ATP8B1: variants seen among roughly 807,000 people sequenced by gnomAD.
The protein encoded by ATP8B1 is phospholipid-transporting ATPase IC.
In ATP8B1, 80 loss-of-function variants were observed where a neutral mutation model predicts 149.9. That is an observed-to-expected ratio of 0.53 (90% CI 0.45 to 0.64). The LOEUF (loss-of-function observed/expected upper bound fraction) is 0.64. Among genes scored for constraint, ATP8B1 ranks in the 30% least tolerant of loss-of-function variants. The pLI is 0.00. For synonymous variants in ATP8B1, 536 were observed against 562.8 expected, an observed-to-expected ratio of 0.95 and a Z score of 0.67; for missense variants, 1,247 against 1,552.6, an observed-to-expected ratio of 0.80 and a Z score of 3.31.
intron 16 of ATP8B1, among the ~76,000 whole-genome samples, chr18:57,674,250 AAAAAAAAAG>A (rs1335702191): frequency 6.7e-6 from 1 of 149,962 alleles, no homozygotes; most frequent in African/African-American, 2.5e-5. Flanking sequence ...TCAAAAAAAA[AAAAAAAAAG>A]AAAAGAAAAG....
intron 1 of ATP8B1, among the ~76,000 whole-genome samples, chr18:57,783,065 A>C (rs1382717625): frequency 5.3e-5 from 8 of 152,050 alleles, no homozygotes; most frequent in African/African-American, 1.9e-4. Context: ...TGCCTGCCTC[A>C]GCCTCCCAAA....
chr18:57,796,061 A>T (rs967541634), intron 1 of ATP8B1, among the ~76,000 whole-genome samples: 5 of 152,082 alleles, frequency 3.3e-5, no homozygotes, highest in African/African-American at 1.2e-4. Context: ...CCAGCTACTC[A>T]GGAGGCTGAG....
intron 15 of ATP8B1, among the ~76,000 whole-genome samples, chr18:57,679,367 C>T (rs1204197253): frequency 6.6e-6 from 1 of 152,068 alleles, no homozygotes; most frequent in Non-Finnish European, 1.5e-5. Flanking sequence ...ACATGTATCC[C>T]CTGAACCTAA....
chr18:57,745,672 T>C (rs968870004), intron 1 of ATP8B1, among the ~76,000 whole-genome samples: 4 of 132,364 alleles, frequency 3.0e-5, no homozygotes, highest in Admixed American at 7.5e-5. Flanking sequence ...TTTTTTTTTT[T>C]CTGACGCAGG....
rs111938328 is a variant in ATP8B1, at chr18:57,674,902, G to A, written c.1751C>T (p.Thr584Ile). 1 of 1,614,242 alleles carries A rather than the reference G, an allele frequency of 6.2e-7. No individual in the cohort carries two copies. Among genetic ancestry groups the A allele is most frequent in the Non-Finnish European group, 8.5e-7 (1 of 1,180,034 alleles). ...QNTITISELG[T>I]ERTYNVLAIL... Reference sequence around the variant, plus strand: ...GGCAAGAACATTGTAAGTCCTTTCAGTGCCCAGTTCACTGATGGTGATGGT... The same window carrying A: ...GGCAAGAACATTGTAAGTCCTTTCAATGCCCAGTTCACTGATGGTGATGGT... Residue 584 changes from threonine to isoleucine, a missense_variant, in exon 16 of 28, where the codon ACT becomes ATT. By Grantham distance (89) the Thr-to-Ile change is moderately conservative. Around this residue, in one of 3 missense-constraint regions of ATP8B1, gnomAD observed 853 missense variants for 1,035.7 expected, o/e 0.82. Coordinates refer to ENST00000648908, the MANE Select transcript of ATP8B1 (RefSeq NM_001374385.1).
intron 1 of ATP8B1, among the ~76,000 whole-genome samples, chr18:57,772,412 C>T (rs2123378249): frequency 6.6e-6 from 1 of 152,196 alleles, no homozygotes; most frequent in East Asian, 1.9e-4. Flanking sequence ...AAAGAAATCC[C>T]TGGGGGCAAA....
intron 21 of ATP8B1, among the ~76,000 whole-genome samples, chr18:57,662,075 G>T (rs1016792430): frequency 1.6e-4 from 25 of 152,160 alleles, no homozygotes; most frequent in Non-Finnish European, 2.9e-5. Flanking sequence ...TTGAAGTGCA[G>T]TGGCTATTCA....
intron 11 of ATP8B1, among the ~76,000 whole-genome samples, chr18:57,693,015 A>G (rs1912619603): frequency 6.6e-6 from 1 of 152,226 alleles, no homozygotes; most frequent in Admixed American, 6.5e-5. Context: ...TTTGTCGTGG[A>G]AAGAGCAGAG....
intron 2 of ATP8B1, among the ~76,000 whole-genome samples, chr18:57,706,892 G>A (rs980280556): frequency 2.0e-5 from 3 of 152,212 alleles, no homozygotes; most frequent in Non-Finnish European, 2.9e-5. Flanking sequence ...GCCTAGAACA[G>A]ATCTCTCCCT....
chr18:57,756,289 GTGTGTGTGTATGTATA>G (rs2080080559), intron 1 of ATP8B1, among the ~76,000 whole-genome samples: 1 of 23,160 alleles, frequency 4.3e-5, no homozygotes, highest in African/African-American at 2.7e-4. Flanking sequence ...ACATATATAT[GTGTGTGTGTATGTATA>G]TATATATATA....
intron 26 of ATP8B1, among the ~76,000 whole-genome samples, chr18:57,651,492 G>C (rs977192627): frequency 4.6e-5 from 7 of 152,066 alleles, no homozygotes; most frequent in African/African-American, 1.7e-4. Context: ...CACGTACAGC[G>C]CTATTGTAAA....
intron 17 of ATP8B1, 70 bp from the exon 18 acceptor site, chr18:57,669,552 T>C: frequency 6.9e-7 from 1 of 1,452,004 alleles, no homozygotes; most frequent in Non-Finnish European, 9.5e-7. Context: ...GGATCAAGTC[T>C]GAAATTTTAC....
At chr18:57,716,994 A>C (rs2079589015) in intron 2 of ATP8B1, among the ~76,000 whole-genome samples, 1 of 152,214 alleles carries the variant, frequency 6.6e-6, no homozygotes, top group Non-Finnish European at 1.5e-5. Context: ...ACAATGAGTA[A>C]AACTAGAAAT....
chr18:57,719,357 T>A (rs1310071227), intron 2 of ATP8B1, among the ~76,000 whole-genome samples: 2 of 152,288 alleles, frequency 1.3e-5, no homozygotes, highest in Middle Eastern at 3.4e-3. Flanking sequence ...ACCGGGTTCA[T>A]CTCACTAGGG....
chr18:57,682,787 G>A (rs1223304403), intron 15 of ATP8B1, among the ~76,000 whole-genome samples: 4 of 151,948 alleles, frequency 2.6e-5, no homozygotes, highest in African/African-American at 7.3e-5. Context: ...TGGAAAATGG[G>A]TTTCTTTGAA....
At chr18:57,676,731 A>AG in intron 15 of ATP8B1, among the ~76,000 whole-genome samples, 1 of 151,534 alleles carries the variant, frequency 6.6e-6, no homozygotes, top group East Asian at 1.9e-4. Flanking sequence ...AAAAAAAAAA[A>AG]AAAAAAAGAA....
intron 1 of ATP8B1, among the ~76,000 whole-genome samples, chr18:57,796,403 C>T (rs1364900923): frequency 2.6e-5 from 4 of 152,022 alleles, no homozygotes; most frequent in Admixed American, 1.3e-4. Flanking sequence ...CCCAACTACT[C>T]GGGAGACTAA....
chr18:57,733,377 C>T (rs2079808929), intron 1 of ATP8B1, among the ~76,000 whole-genome samples: 1 of 152,056 alleles, frequency 6.6e-6, no homozygotes. Flanking sequence ...AAAATCAAAA[C>T]ACTGGAGTGC....
intron 16 of ATP8B1, among the ~76,000 whole-genome samples, chr18:57,672,932 A>ATATATAT (rs1491183286): frequency 6.2e-5 from 2 of 32,100 alleles, no homozygotes; most frequent in African/African-American, 2.0e-4. Context: ...ATATATATAT[A>ATATATAT]ACATGTATAT....
Sources: gnomAD v4.1 joint callset for allele counts (sites outside exome capture counted in the v4.1 genomes callset) on GRCh38, gnomAD v4.1.1 for gene constraint, gnomAD v4.1.1 regional missense constraint, MANE v1.5 for transcripts, NCBI Gene and HGNC (gene_info 2026-07-23, HGNC 2026-07-21) for gene names.